The following SUMF1 variants were observed in gnomAD, a reference collection of about 807,000 sequenced individuals.
SUMF1 encodes the protein sulfatase modifying factor 1, also known as formylglycine-generating enzyme.
SUMF1 carries 48 observed loss-of-function variants against 47.6 expected under a neutral mutation model. That is an observed-to-expected ratio of 1.01 (90% CI 0.80 to 1.28). The LOEUF (loss-of-function observed/expected upper bound fraction) is 1.28, where lower values mean the gene tolerates loss of function less well. Ranked by LOEUF, SUMF1 falls within the 50% of genes most tolerant of loss-of-function variation. The pLI, the probability that SUMF1 is intolerant of heterozygous loss-of-function variation, is 0.00. For synonymous variants in SUMF1, 230 were observed against 192.1 expected (o/e 1.20, Z -1.63); for missense variants, 571 against 485.4 (o/e 1.18, Z -1.66).
At chr3:4,267,106 G>A (rs954497787) in intron 8 of SUMF1, among the ~76,000 whole-genome samples, 1 of 152,138 alleles carries the variant, frequency 6.6e-6, no homozygotes, top group Non-Finnish European at 1.5e-5. Flanking sequence ...GCTTTTTGAT[G>A]TGCTGCTGGA....
At chr3:4,097,911 T>C (rs770728119) in intron 8 of SUMF1, among the ~76,000 whole-genome samples, 1 of 152,108 alleles carries the variant, frequency 6.6e-6, no homozygotes, top group African/African-American at 2.4e-5. Context: ...AAGAGAGACA[T>C]GCTTCCAAAA....
chr3:4,301,059 G>C (rs1293573574), intron 8 of SUMF1, among the ~76,000 whole-genome samples: 1 of 152,130 alleles, frequency 6.6e-6, no homozygotes, highest in African/African-American at 2.4e-5. Flanking sequence ...GGTTTTGCCT[G>C]TGCTTACATT....
At chr3:4,045,173 A>C (rs534964880) in intron 9 of SUMF1, among the ~76,000 whole-genome samples, 23 of 152,240 alleles carry the variant, frequency 1.5e-4, no homozygotes, top group Non-Finnish European at 3.2e-4. Context: ...TATCCTAGGT[A>C]ATCTGGGTGG....
chr3:4,241,694 G>C (rs144102178), intron 8 of SUMF1, among the ~76,000 whole-genome samples: 4 of 152,114 alleles, frequency 2.6e-5, no homozygotes, highest in Non-Finnish European at 5.9e-5. Flanking sequence ...CCCAAGGTTC[G>C]TTGTCTCACA....
At chr3:4,076,959 G>A (rs186200200) in intron 8 of SUMF1, among the ~76,000 whole-genome samples, 30 of 152,042 alleles carry the variant, frequency 2.0e-4, no homozygotes, top group African/African-American at 5.8e-4. Flanking sequence ...AGCCGAGATC[G>A]TGCCACTGCA....
intron 8 of SUMF1, among the ~76,000 whole-genome samples, chr3:4,355,072 G>A (rs534491498): frequency 5.9e-5 from 9 of 152,156 alleles, no homozygotes; most frequent in African/African-American, 9.7e-5. Flanking sequence ...CAGTGACGCC[G>A]GACACAGTGG....
At chr3:4,357,929 A>C (rs528741929), downstream of SUMF1, among the ~76,000 whole-genome samples, 1 of 152,244 alleles carries the variant, frequency 6.6e-6, no homozygotes, top group African/African-American at 2.4e-5. Context: ...TTACTAAAAT[A>C]AATGGTAGCT....
chr3:4,375,350 C>T (rs569071060), intron 8 of SUMF1, among the ~76,000 whole-genome samples: 46 of 151,958 alleles, frequency 3.0e-4, no homozygotes, highest in Non-Finnish European at 4.6e-4. Flanking sequence ...TAGTGATTCC[C>T]GAACTTGGCT....
chr3:4,119,137 C>T (rs1693483628), intron 8 of SUMF1, among the ~76,000 whole-genome samples: 1 of 152,140 alleles, frequency 6.6e-6, no homozygotes, highest in Non-Finnish European at 1.5e-5. Context: ...TAAGGTCACT[C>T]TCAACTCCTT....
At chr3:4,069,273 G>A (rs1281082487) in intron 8 of SUMF1, among the ~76,000 whole-genome samples, 2 of 152,152 alleles carry the variant, frequency 1.3e-5, no homozygotes, top group African/African-American at 4.8e-5. Flanking sequence ...TTAGGGCCCT[G>A]CAAGGGAGAG....
At chr3:4,174,458 C>A (rs1159697973) in intron 8 of SUMF1, among the ~76,000 whole-genome samples, 2 of 151,748 alleles carry the variant, frequency 1.3e-5, no homozygotes, top group East Asian at 1.9e-4. Flanking sequence ...GGGGATAACA[C>A]TTTGGGAGGC....
At chr3:4,067,635 G>T (rs374851097) in intron 9 of SUMF1, among the ~76,000 whole-genome samples, 42 of 152,308 alleles carry the variant, frequency 2.8e-4, no homozygotes, top group South Asian at 8.3e-4. Context: ...CCTGGTTATG[G>T]AGAGCCTCAT....
At chr3:4,201,723 T>C (rs1695544184) in intron 8 of SUMF1, among the ~76,000 whole-genome samples, 1 of 152,056 alleles carries the variant, frequency 6.6e-6, no homozygotes, top group African/African-American at 2.4e-5. Context: ...TTCCATACTG[T>C]TTTTCATAGT....
rs1700220135 is a variant in SUMF1 at position 4,373,205 on chromosome 3, CAAA to C, written c.1014+3122_1014+3124del. On this transcript the variant is annotated intron_variant, in intron 8 of 8. Transcript: ENST00000272902. ...AAAAAGTATGTAATCGAAAAGAAGA[CAAA>C]CAGAGAACAACAACAGGTGAGACAA... 2.3e-4 allele frequency among the ~76,000 whole-genome samples: 5 copies of C among 21,904 alleles called. 1 individual carries two copies. Among genetic ancestry groups the C allele is most frequent in the Non-Finnish European group, 2.8e-4 (1 of 3,526 alleles). 14.4% of individuals were successfully genotyped at this position (21,904 alleles called of 152,430 possible).
At chr3:4,151,495 G>A (rs901941249) in intron 8 of SUMF1, among the ~76,000 whole-genome samples, 16 of 136,324 alleles carry the variant, frequency 1.2e-4, no homozygotes, top group Middle Eastern at 4.1e-3. Flanking sequence ...GTATATATAC[G>A]TATATATGTG....
At chr3:4,397,977 T>G (rs1344426081) in intron 7 of SUMF1, among the ~76,000 whole-genome samples, 4 of 152,014 alleles carry the variant, frequency 2.6e-5, no homozygotes, top group African/African-American at 9.7e-5. Context: ...CCTCCAATAA[T>G]CCCATAAAGG....
intron 8 of SUMF1, among the ~76,000 whole-genome samples, chr3:4,315,661 A>G (rs192111046): frequency 7.3e-4 from 111 of 152,320 alleles, no homozygotes; most frequent in Admixed American, 2.1e-3. Flanking sequence ...GAATGTTGAC[A>G]CTTCTTTTGA....
intron 8 of SUMF1, among the ~76,000 whole-genome samples, chr3:4,346,661 C>T (rs553520608): frequency 6.6e-6 from 1 of 151,472 alleles, no homozygotes; most frequent in African/African-American, 2.4e-5. Context: ...CAGCAGAAGA[C>T]AAGAAATAAC....
intron 8 of SUMF1, among the ~76,000 whole-genome samples, chr3:4,352,198 C>T (rs996834118): frequency 1.3e-5 from 2 of 152,100 alleles, no homozygotes; most frequent in Non-Finnish European, 2.9e-5. Flanking sequence ...ACAAAAATGG[C>T]GTGAGTCCTG....
Sources: allele counts gnomAD v4.1 joint callset (sites outside exome capture counted in the v4.1 genomes callset), GRCh38; gene constraint gnomAD v4.1.1; transcripts MANE v1.5; gene names NCBI Gene and HGNC (gene_info 2026-07-23, HGNC 2026-07-21).